CDH13: variants seen among roughly 807,000 people sequenced by gnomAD.
CDH13 encodes the protein cadherin-13.
In CDH13, 24 loss-of-function variants were observed where a neutral mutation model predicts 63.8. The observed-to-expected ratio is 0.38, with a 90% CI of 0.27 to 0.53. The LOEUF (loss-of-function observed/expected upper bound fraction) is 0.53, where lower values mean the gene tolerates loss of function less well. Ranked by LOEUF, CDH13 falls within the 20% of genes least tolerant of loss-of-function variation. The pLI is 0.85. For synonymous variants in CDH13, 503 were observed against 355.3 expected (o/e 1.42, Z -4.67); for missense variants, 1,049 against 903.1 (o/e 1.16, Z -2.07).
At chr16:83,242,291 C>G (rs1032848422) in intron 5 of CDH13, among the ~76,000 whole-genome samples, 1 of 152,132 alleles carries the variant, frequency 6.6e-6, no homozygotes. Context: ...ATTTTGCTCT[C>G]TTGAACCAAA....
At chr16:83,253,825 A>G (rs962306029) in intron 5 of CDH13, among the ~76,000 whole-genome samples, 6 of 152,256 alleles carry the variant, frequency 3.9e-5, no homozygotes, top group African/African-American at 1.4e-4. Flanking sequence ...AGGCACATCC[A>G]TGTAATATAT....
At chr16:83,053,231 T>C (rs1396231938) in intron 3 of CDH13, among the ~76,000 whole-genome samples, 1 of 152,184 alleles carries the variant, frequency 6.6e-6, no homozygotes, top group Non-Finnish European at 1.5e-5. Flanking sequence ...TGCCTAGGGA[T>C]GGAGAGTTCT....
chr16:83,249,428 C>A (rs546136702), intron 5 of CDH13, among the ~76,000 whole-genome samples: 1 of 152,186 alleles, frequency 6.6e-6, no homozygotes, highest in Non-Finnish European at 1.5e-5. Flanking sequence ...CAGATAACTG[C>A]CCCACCACAC....
Position 83,678,462 on chromosome 16 carries a change from G to T in CDH13, c.1538+1G>T, listed in dbSNP as rs1915143608. 6.2e-7 allele frequency: 1 copy of T among 1,613,766 alleles called. No homozygotes were observed. On this transcript the variant is annotated splice_donor_variant, in intron 10 of 13. Coordinates refer to ENST00000567109, the MANE Select transcript of CDH13 (RefSeq NM_001257.5). LOFTEE classifies it high-confidence loss of function. ...ACTCCCTGCAGCATCAAACCATCAG[G>T]TGGGTGAGTGGCTCCGGAACCACAG... is the stretch of plus-strand genomic sequence containing the variant.
intron 1 of CDH13, among the ~76,000 whole-genome samples, chr16:82,707,227 A>G (rs1296913617): frequency 6.6e-6 from 1 of 152,238 alleles, no homozygotes; most frequent in Admixed American, 6.5e-5. Context: ...CATTAACTGA[A>G]CAAAAGCCAT....
At chr16:82,775,591 T>C (rs941172315) in intron 1 of CDH13, among the ~76,000 whole-genome samples, 1 of 152,182 alleles carries the variant, frequency 6.6e-6, no homozygotes, top group African/African-American at 2.4e-5. Context: ...CCCCATTTTA[T>C]AGCAGAGGAA....
At chr16:82,656,852 A>G (rs1911353504) in intron 1 of CDH13, among the ~76,000 whole-genome samples, 1 of 151,528 alleles carries the variant, frequency 6.6e-6, no homozygotes, top group Admixed American at 6.6e-5. Context: ...GCCTTTTCAA[A>G]TTAGCTTCCT....
At chr16:83,505,023 T>C (rs1598174547) in intron 7 of CDH13, among the ~76,000 whole-genome samples, 1 of 152,128 alleles carries the variant, frequency 6.6e-6, no homozygotes, top group South Asian at 2.1e-4. Flanking sequence ...TCTGAGAGCA[T>C]TGATGCCTCA....
chr16:83,452,344 C>T (rs1488379424), intron 6 of CDH13, among the ~76,000 whole-genome samples: 1 of 113,954 alleles, frequency 8.8e-6, no homozygotes, highest in Non-Finnish European at 1.8e-5. Context: ...TTTATTCACT[C>T]ATTTGTTCAG....
chr16:83,133,347 A>G (rs1284888043), intron 4 of CDH13, among the ~76,000 whole-genome samples: 2 of 152,174 alleles, frequency 1.3e-5, no homozygotes, highest in Non-Finnish European at 2.9e-5. Flanking sequence ...TAATCTTTGT[A>G]TTGATTTCAT....
At chr16:83,587,149 A>C (rs1906244811) in intron 7 of CDH13, among the ~76,000 whole-genome samples, 1 of 152,182 alleles carries the variant, frequency 6.6e-6, no homozygotes, top group South Asian at 2.1e-4. Context: ...TGCTGATTAA[A>C]AGTAACCCTG....
At chr16:83,264,512 GTGTATA>G (rs1429229479) in intron 5 of CDH13, among the ~76,000 whole-genome samples, 2 of 150,750 alleles carry the variant, frequency 1.3e-5, no homozygotes, top group African/African-American at 4.9e-5. Context: ...ATGTATGTGT[GTGTATA>G]TGTATATATG....
At chr16:83,397,911 G>A (rs2091911830) in intron 6 of CDH13, 1 of 152,204 alleles carries the variant, frequency 6.6e-6, no homozygotes, top group South Asian at 2.1e-4. Flanking sequence ...AACTGACCTG[G>A]AACAATTTAC....
intron 5 of CDH13, among the ~76,000 whole-genome samples, chr16:83,256,732 C>G (rs1906326711): frequency 6.7e-6 from 1 of 149,336 alleles, no homozygotes; most frequent in African/African-American, 2.5e-5. Context: ...GTAGTCCCAG[C>G]TACTTGGGAG....
At chr16:83,663,333 T>G (rs955633361) in intron 8 of CDH13, among the ~76,000 whole-genome samples, 1 of 152,336 alleles carries the variant, frequency 6.6e-6, no homozygotes, top group East Asian at 1.9e-4. Flanking sequence ...CTGAGCTATA[T>G]CTACTCAAAA....
rs79274506 is a variant in CDH13 at position 83,129,375 on chromosome 16, C to T, written c.483+3874C>T. Among the ~76,000 whole-genome samples the T allele has an allele frequency of 3.5e-4, 53 of 152,186 alleles. No homozygotes were observed. In the East Asian group the frequency reaches 9.9e-3, roughly 28 times the overall value. ...TCTTTGGCTTCCCCTAGAAGTGGACCGCAAGACAAGAATTCAAATGAAGGC... is the reference window on the plus strand; with the variant it reads ...TCTTTGGCTTCCCCTAGAAGTGGACTGCAAGACAAGAATTCAAATGAAGGC... On this transcript the variant is annotated intron_variant, in intron 4 of 13. Coordinates refer to ENST00000567109, the MANE Select transcript of CDH13 (RefSeq NM_001257.5).
intron 5 of CDH13, among the ~76,000 whole-genome samples, chr16:83,335,498 G>A (rs1194372048): frequency 6.6e-6 from 1 of 152,056 alleles, no homozygotes; most frequent in Non-Finnish European, 1.5e-5. Flanking sequence ...GTGAGCTTCT[G>A]ATGATCATTT....
At position 82,987,311 on chromosome 16, in the gene CDH13, A is replaced by T. The variant is rs541785453; in HGVS notation, c.158-44699A>T. 9.2e-5 allele frequency among the ~76,000 whole-genome samples: 14 copies of T among 152,246 alleles called. No homozygotes were observed. In the South Asian group the frequency reaches 2.9e-3, roughly 32 times the overall value. On this transcript the variant is annotated intron_variant, in intron 2 of 13. Coordinates refer to ENST00000567109, the MANE Select transcript of CDH13 (RefSeq NM_001257.5). ...TTTCTATCTACTGGGCAGAGATCTT[A>T]TGATATGCTGCCTCATTGGCATGAA... is the stretch of plus-strand genomic sequence containing the variant.
At chr16:82,959,695 C>T (rs1906667349) in intron 2 of CDH13, among the ~76,000 whole-genome samples, 1 of 152,216 alleles carries the variant, frequency 6.6e-6, no homozygotes, top group South Asian at 2.1e-4. Context: ...ACCCAAATTC[C>T]ACCTGCATAG....
Sources: allele counts gnomAD v4.1 joint callset (sites outside exome capture counted in the v4.1 genomes callset), GRCh38; gene constraint gnomAD v4.1.1; transcripts MANE v1.5; gene names NCBI Gene and HGNC (gene_info 2026-07-23, HGNC 2026-07-21).